The following MMRN2 variants were observed in gnomAD, a reference collection of about 807,000 sequenced individuals.
MMRN2 encodes multimerin 2.
In MMRN2, 53 loss-of-function variants were observed where a neutral mutation model predicts 68.8. That is an observed-to-expected ratio of 0.77 (90% CI 0.62 to 0.97). The LOEUF is 0.97. Among genes scored for constraint, MMRN2 ranks in the 50% least tolerant of loss-of-function variants. The probability of loss-of-function intolerance (pLI) is 0.00; values close to 1 mark genes in which losing one functional copy is unlikely to be tolerated. For synonymous variants in MMRN2, 564 were observed against 551.6 expected (o/e 1.02, Z -0.32); for missense variants, 1,266 against 1,259.5 (o/e 1.01, Z -0.08).
chr10:86,937,374 C>CT (rs1465711408), intron 6 of MMRN2, among the ~76,000 whole-genome samples: 1 of 151,780 alleles, frequency 6.6e-6, no homozygotes. Context: ...TAACAAAATA[C>CT]TTTCATTTTT....
chr10:86,945,254 G>A lies in MMRN2; in HGVS notation c.415C>T (p.Pro139Ser), dbSNP rs764492051. The A allele has an allele frequency of 2.5e-6, 4 of 1,613,792 alleles. No homozygotes were observed. Among genetic ancestry groups the A allele is most frequent in the Non-Finnish European group, 3.4e-6 (4 of 1,180,016 alleles). The change falls in exon 4 of 7, where the codon CCT becomes TCT. Residue 139 changes from proline (P) to serine (S), a missense_variant. Pro to Ser is a moderately conservative substitution (Grantham distance 74, BLOSUM62 -1). Coordinates refer to ENST00000372027, the MANE Select transcript of MMRN2 (RefSeq NM_024756.3). ...CTGTCACCAGGATCTGCAGGCTCAGGGATTGCCATGGAATCTGCAGAAGAA... is the reference window on the plus strand; with the variant it reads ...CTGTCACCAGGATCTGCAGGCTCAGAGATTGCCATGGAATCTGCAGAAGAA... The part of the protein sequence containing the change: ...NCEHHDSMAI[P>S]EPADPGDSHQ...
chr10:86,955,281 C>G (rs965475842), intron 1 of MMRN2, among the ~76,000 whole-genome samples: 1 of 152,206 alleles, frequency 6.6e-6, no homozygotes, highest in African/African-American at 2.4e-5. Context: ...TTCTAGACAT[C>G]CCCAAGCCAG....
chr10:86,954,623 C>T (rs1487252337), intron 1 of MMRN2, among the ~76,000 whole-genome samples: 1 of 152,216 alleles, frequency 6.6e-6, no homozygotes, highest in African/African-American at 2.4e-5. Context: ...TTTTCTGAGG[C>T]CCTGAAGCCA....
chr10:86,954,112 T>A (rs567358507), intron 1 of MMRN2: 6 of 152,838 alleles, frequency 3.9e-5, no homozygotes, highest in African/African-American at 1.4e-4. Flanking sequence ...CCCAACTTGC[T>A]GAAGTGCCCA....
Position 86,945,752 on chromosome 10 carries a change from G to A in MMRN2, c.165-63C>T, listed in dbSNP as rs751855034. ...ACCCAGGTCAACAGGGGGTGCCAGT[G>A]CAGAGCCACCGGTCCTCGCCTCCTG... On this transcript the variant is annotated intron_variant, in intron 1 of 6. Coordinates refer to ENST00000372027, the MANE Select transcript of MMRN2 (RefSeq NM_024756.3). 1.9e-6 allele frequency: 3 copies of A among 1,609,376 alleles called. No individual in the cohort carries two copies. In the African/African-American group the frequency reaches 4.0e-5, roughly 21 times the overall value.
rs1843883452 is a variant in MMRN2 at position 86,936,645 on chromosome 10, CAG to C, written c.*96_*97del. 4.8e-6 allele frequency: 7 copies of C among 1,458,622 alleles called. No homozygotes were observed. The highest frequency in any genetic ancestry group is 6.6e-6 in the Non-Finnish European group (7 of 1,068,008). The allele number at this position is 1,458,622 out of a possible 1,614,324, so 90.4% of individuals were successfully genotyped here. ...TTGCAGAAGGTTTCCAGGGAAGAGA[CAG>C]ACCAACTGAATGACCTCCAGCCCAT... On this transcript the variant is annotated 3_prime_UTR_variant, in exon 7 of 7. Transcript: ENST00000372027.
chr10:86,944,519 G>T, intron 4 of MMRN2, 84 bp from the exon 5 acceptor site: 1 of 1,486,254 alleles, frequency 6.7e-7, no homozygotes, highest in Non-Finnish European at 9.2e-7. Flanking sequence ...AGAGTTGAAG[G>T]CTGAGAGCAG....
intron 4 of MMRN2, 185 bp from the exon 5 acceptor site, chr10:86,944,620 C>T (rs558923161): frequency 6.8e-5 from 41 of 599,576 alleles, no homozygotes; most frequent in Admixed American, 2.6e-4. Flanking sequence ...CTCACCCTGC[C>T]TCCTACACCT....
chr10:86,942,824 C>A lies in MMRN2; in HGVS notation c.1960G>T (p.Gly654Cys). 1.5e-6 allele frequency: 2 copies of A among 1,365,570 alleles called. No homozygotes were observed. Among genetic ancestry groups the A allele is most frequent in the East Asian group, 3.2e-5 (1 of 31,546 alleles). 84.6% of individuals were successfully genotyped at this position (1,365,570 alleles called of 1,614,324 possible). Reference sequence around the variant, plus strand: ...ACTCGGGCGGCCAGCTCGTCCCAGCCGAGCGCCTGCTCCTGCAGCCCGCTA... The same window carrying A: ...ACTCGGGCGGCCAGCTCGTCCCAGCAGAGCGCCTGCTCCTGCAGCCCGCTA... ...AASGLQEQAL[G>C]WDELAARVTA... Residue 654 changes from glycine to cysteine, a missense_variant, in exon 6 of 7, where the codon GGC becomes TGC. Coordinates refer to ENST00000372027, the MANE Select transcript of MMRN2 (RefSeq NM_024756.3).
rs1843881322 is a variant in MMRN2 at position 86,936,543 on chromosome 10, CA to C, written c.*199del. ...TAGGACCATGTCCTGCCCGGAGAAG[CA>C]TTCCAGTCCTTCTCATCATGGAGAA... is the stretch of plus-strand genomic sequence containing the variant. On this transcript the variant is annotated 3_prime_UTR_variant, in exon 7 of 7. Coordinates refer to ENST00000372027, the MANE Select transcript of MMRN2 (RefSeq NM_024756.3). 1 of 640,294 alleles carries C rather than the reference CA, an allele frequency of 1.6e-6. No individual in the cohort carries two copies. Among genetic ancestry groups the C allele is most frequent in the African/African-American group, 1.8e-5 (1 of 54,816 alleles). The allele number at this position is 640,294 out of a possible 1,614,324, so 39.7% of individuals were successfully genotyped here.
intron 6 of MMRN2, among the ~76,000 whole-genome samples, chr10:86,941,905 T>C (rs1024806178): frequency 2.7e-5 from 4 of 150,444 alleles, no homozygotes; most frequent in African/African-American, 7.4e-5. Context: ...CCACAGTCCC[T>C]ATCCACATTC....
chr10:86,951,528 C>T (rs1844143004), intron 1 of MMRN2, among the ~76,000 whole-genome samples: 1 of 152,250 alleles, frequency 6.6e-6, no homozygotes. Flanking sequence ...GTCCCATCTA[C>T]TCAACTCTGC....
intron 1 of MMRN2, 75 bp downstream of exon 1, chr10:86,957,303 A>T: frequency 6.7e-7 from 1 of 1,502,910 alleles, no homozygotes; most frequent in Non-Finnish European, 9.2e-7. Flanking sequence ...AGTGAGGTCT[A>T]GAGAGGCTCT....
chr10:86,957,265 T>C (rs2133691628), intron 1 of MMRN2, 113 bp downstream of exon 1: 1 of 1,111,864 alleles, frequency 9.0e-7, no homozygotes, highest in Non-Finnish European at 1.3e-6. Context: ...AGATAGATAC[T>C]ATTAGCCCAT....
At chr10:86,941,698 CT>C (rs765291891) in intron 6 of MMRN2, among the ~76,000 whole-genome samples, 150 of 150,500 alleles carry the variant, frequency 1.0e-3, no homozygotes, top group Non-Finnish European at 1.8e-3. Flanking sequence ...ACTCTGGAGG[CT>C]GAAGTGGGAG....
chr10:86,942,680 G>C lies in MMRN2; in HGVS notation c.2104C>G (p.Gln702Glu). ...TTCTTGACGTCGTTGCTCAGGCTCT[G>C]GAGCTCCCGCGCCAGCCCGGCCAGG... ...TALAGLAREL[Q>E]SLSNDVKNVG... Residue 702 changes from glutamine to glutamate, a missense_variant, in exon 6 of 7, where the codon CAG becomes GAG. By Grantham distance (29) the Gln-to-Glu change is conservative. Transcript: ENST00000372027. 6.3e-7 allele frequency: 1 copy of C among 1,584,602 alleles called. No homozygotes were observed. Among genetic ancestry groups the C allele is most frequent in the East Asian group, 2.3e-5 (1 of 44,240 alleles).
chr10:86,956,690 C>T (rs768442869), intron 1 of MMRN2, among the ~76,000 whole-genome samples: 6 of 152,230 alleles, frequency 3.9e-5, no homozygotes, highest in Admixed American at 6.5e-5. Context: ...CTGAGATACA[C>T]GTGGCAAGGT....
chr10:86,957,120 T>C (rs1844246978), intron 1 of MMRN2, among the ~76,000 whole-genome samples: 1 of 152,222 alleles, frequency 6.6e-6, no homozygotes, highest in Non-Finnish European at 1.5e-5. Flanking sequence ...TGATTGATGG[T>C]AGGAGCTGTG....
At chr10:86,941,999 T>C (rs1843978006) in intron 6 of MMRN2, among the ~76,000 whole-genome samples, 1 of 151,998 alleles carries the variant, frequency 6.6e-6, no homozygotes, top group African/African-American at 2.4e-5. Flanking sequence ...AAGGCTGCCC[T>C]GGCAGGGCAG....
Sources: gnomAD v4.1 joint callset for allele counts (sites outside exome capture counted in the v4.1 genomes callset) on GRCh38, gnomAD v4.1.1 for gene constraint, MANE v1.5 for transcripts, NCBI Gene and HGNC (gene_info 2026-07-23, HGNC 2026-07-21) for gene names.